Variants in HESX1 observed in about 807,000 individuals in gnomAD.
HESX1 encodes homeobox expressed in ES cells 1.
Under a neutral mutation model 22.5 loss-of-function variants are expected in HESX1, and 11 were observed. The ratio of observed to expected loss-of-function variants is 0.49; its 90% CI spans 0.31 to 0.81. The LOEUF (loss-of-function observed/expected upper bound fraction) is 0.81. Among genes scored for constraint, HESX1 ranks in the 30% least tolerant of loss-of-function variants. The pLI is 0.05. For synonymous variants in HESX1, 74 were observed against 76.5 expected (o/e 0.97, Z 0.17); for missense variants, 201 against 212.6 (o/e 0.95, Z 0.34).
At chr3:57,219,457 T>C (rs1421203323) in intron 1 of HESX1, among the ~76,000 whole-genome samples, 3 of 152,026 alleles carry the variant, frequency 2.0e-5, no homozygotes, top group African/African-American at 7.2e-5. Context: ...AAGCTCTGCC[T>C]CCCAGATTCA....
At chr3:57,204,435 A>C (rs2060508426), upstream of HESX1, among the ~76,000 whole-genome samples, 1 of 152,200 alleles carries the variant, frequency 6.6e-6, no homozygotes, top group Admixed American at 6.6e-5. Context: ...AGGGAAAGGA[A>C]GGCATTAAAG....
intron 1 of HESX1, chr3:57,226,169 C>G (rs1227058229): frequency 6.6e-6 from 1 of 151,790 alleles, no homozygotes; most frequent in Admixed American, 6.6e-5. Context: ...TGAGCCACAG[C>G]GCCAGGCCTT....
At chr3:57,211,403 G>A (rs2060552743) in intron 1 of HESX1, among the ~76,000 whole-genome samples, 1 of 151,350 alleles carries the variant, frequency 6.6e-6, no homozygotes, top group Non-Finnish European at 1.5e-5. Context: ...GGTAGCATGC[G>A]CCTGTGATCC....
intron 1 of HESX1, among the ~76,000 whole-genome samples, chr3:57,217,227 C>G (rs745667260): frequency 1.3e-5 from 2 of 152,112 alleles, no homozygotes; most frequent in East Asian, 1.9e-4. Context: ...CTTCCAGGCC[C>G]TCTCAGTGGA....
At chr3:57,208,519 G>C (rs1474959129) in intron 1 of HESX1, among the ~76,000 whole-genome samples, 1 of 151,614 alleles carries the variant, frequency 6.6e-6, no homozygotes, top group Non-Finnish European at 1.5e-5. Flanking sequence ...GATAATTTTT[G>C]TATTTTTTTT....
At chr3:57,208,480 G>A (rs939071446) in intron 1 of HESX1, among the ~76,000 whole-genome samples, 2 of 151,778 alleles carry the variant, frequency 1.3e-5, no homozygotes, top group Admixed American at 1.3e-4. Flanking sequence ...CCTAGCAGCA[G>A]GGATTACAGG....
At chr3:57,205,703 A>G (rs931804556) in intron 1 of HESX1, among the ~76,000 whole-genome samples, 15 of 152,098 alleles carry the variant, frequency 9.9e-5, no homozygotes, top group Admixed American at 6.6e-5. Context: ...CATCTTCTCA[A>G]TGAGGCCTAC....
chr3:57,226,282 G>C (rs1579372241), intron 1 of HESX1: 1 of 152,086 alleles, frequency 6.6e-6, no homozygotes, highest in Admixed American at 6.6e-5. Flanking sequence ...AGTTCAATCA[G>C]GAAGGTCACT....
chr3:57,226,171 C>CCAGG (rs749360006), intron 1 of HESX1: 2 of 151,920 alleles, frequency 1.3e-5, no homozygotes, highest in Non-Finnish European at 2.9e-5. Flanking sequence ...AGCCACAGCG[C>CCAGG]CAGGCCTTTT....
At chr3:57,218,133 A>G (rs1035146017) in intron 1 of HESX1, among the ~76,000 whole-genome samples, 8 of 152,312 alleles carry the variant, frequency 5.3e-5, no homozygotes, top group African/African-American at 1.9e-4. Context: ...GTTCAGGGGT[A>G]CACATGTAGG....
At position 57,221,517 on chromosome 3, in the gene HESX1, A is replaced by G. The variant is rs2060615806; in HGVS notation, c.-111+4779T>C. Among the ~76,000 whole-genome samples, 5 of 152,228 alleles carry G rather than the reference A, an allele frequency of 3.3e-5. No individual in the cohort carries two copies. In the South Asian group the frequency reaches 8.3e-4, roughly 25 times the overall value. On this transcript the variant is annotated intron_variant, in intron 1 of 2. Transcript: ENST00000495160. ...CTAACATACTATTCTTTATTTTACT[A>G]TATAAGATAAGGTTTGCCCAGGCTG... is the stretch of plus-strand genomic sequence containing the variant.
intron 1 of HESX1, among the ~76,000 whole-genome samples, chr3:57,215,603 T>C (rs1333484033): frequency 1.3e-5 from 2 of 151,996 alleles, no homozygotes; most frequent in African/African-American, 2.4e-5. Flanking sequence ...CTTGTCTCTA[T>C]TAAAAATACA....
At chr3:57,201,923 CTATCTAT>C (rs1193258646), upstream of HESX1, among the ~76,000 whole-genome samples, 2 of 144,924 alleles carry the variant, frequency 1.4e-5, no homozygotes, top group Non-Finnish European at 3.0e-5. Flanking sequence ...ATCTATCTAT[CTATCTAT>C]TTTTTTGAGA....
upstream of HESX1, among the ~76,000 whole-genome samples, chr3:57,201,546 C>G (rs1217793578): frequency 6.6e-6 from 1 of 150,520 alleles, no homozygotes; most frequent in African/African-American, 2.5e-5. Context: ...ATAGAGCTCA[C>G]AGTGGTGCAG....
chr3:57,221,736 A>C (rs1316226542), intron 1 of HESX1, among the ~76,000 whole-genome samples: 3 of 152,134 alleles, frequency 2.0e-5, no homozygotes, highest in Non-Finnish European at 4.4e-5. Flanking sequence ...CCTCCCGAGC[A>C]GCTGGGACTA....
intron 1 of HESX1, among the ~76,000 whole-genome samples, chr3:57,223,367 A>G (rs2060625694): frequency 6.6e-6 from 1 of 152,238 alleles, no homozygotes; most frequent in African/African-American, 2.4e-5. Flanking sequence ...AAACAAAAGC[A>G]TATACAATTT....
At position 57,198,033 on chromosome 3, in the gene HESX1, A is replaced by C; in HGVS notation, c.*164T>G. The stretch of plus-strand genomic sequence containing the variant: ...GTCTTTACTATAACTAAAAGTGCCC[A>C]AATATGTACCATGCTATAATAGTAT... On this transcript the variant is annotated 3_prime_UTR_variant, in exon 4 of 4. Coordinates refer to ENST00000295934, the MANE Select transcript of HESX1 (RefSeq NM_003865.3). The C allele has an allele frequency of 1.8e-6, 1 of 558,086 alleles. No homozygotes were observed. Among genetic ancestry groups the C allele is most frequent in the South Asian group, 2.8e-5 (1 of 35,726 alleles). 34.6% of individuals were successfully genotyped at this position (558,086 alleles called of 1,614,324 possible).
At position 57,199,769 on chromosome 3, in the gene HESX1, G is replaced by A. The variant is rs1299316380; in HGVS notation, c.150C>T (p.Ser50=). The A allele has an allele frequency of 1.9e-6, 3 of 1,613,940 alleles. No homozygotes were observed. Among genetic ancestry groups the A allele is most frequent in the Middle Eastern group, 1.6e-4 (1 of 6,062 alleles). Reference sequence around the variant, plus strand: ...AATTAAGCTGTGGCATACCTGATGAGCTGCAGGTGTCTGCCCAGGGCCTGT... The same window carrying A: ...AATTAAGCTGTGGCATACCTGATGAACTGCAGGTGTCTGCCCAGGGCCTGT... ...KPHRPWADTC[S]SSGKDGNLCL... Residue 50 remains serine, a synonymous_variant, in exon 1 of 4, where the codon AGC becomes AGT. Coordinates refer to ENST00000295934, the MANE Select transcript of HESX1 (RefSeq NM_003865.3).
At chr3:57,226,989 C>G (rs1178283117), upstream of HESX1, among the ~76,000 whole-genome samples, 1 of 152,200 alleles carries the variant, frequency 6.6e-6, no homozygotes, top group Non-Finnish European at 1.5e-5. Context: ...AACTATTTAA[C>G]GCTTCCAAAA....
Sources: allele counts gnomAD v4.1 joint callset (sites outside exome capture counted in the v4.1 genomes callset), GRCh38; gene constraint gnomAD v4.1.1; transcripts MANE v1.5; gene names NCBI Gene and HGNC (gene_info 2026-07-23, HGNC 2026-07-21).